Variants in MOBP observed in about 807,000 individuals in gnomAD.
MOBP encodes the protein myelin-associated oligodendrocyte basic protein.
MOBP carries 5 observed loss-of-function variants against 15.0 expected under a neutral mutation model. That is an observed-to-expected ratio of 0.33 (90% CI 0.17 to 0.70). MOBP has a LOEUF of 0.70. Among genes scored for constraint, MOBP ranks in the 30% least tolerant of loss-of-function variants. The pLI, the probability that MOBP is intolerant of heterozygous loss-of-function variation, is 0.67. For synonymous variants in MOBP, 88 were observed against 99.0 expected (o/e 0.89, Z 0.66); for missense variants, 188 against 257.8 (o/e 0.73, Z 1.85).
At position 39,468,936 on chromosome 3, in the gene MOBP, T is replaced by TGTGTGTGTATATATACATATATACATG. The variant is rs747899949; in HGVS notation, c.-89+1196_-89+1197insGTGTGTGTATATATACATATATACATG. Among the ~76,000 whole-genome samples the TGTGTGTGTATATATACATATATACATG allele has an allele frequency of 1.1e-4, 6 of 54,016 alleles. 1 individual carries two copies. The highest frequency in any genetic ancestry group is 8.9e-4 in the African/African-American group (4 of 4,490). The allele number at this position is 54,016 out of a possible 152,430, so 35.4% of individuals were successfully genotyped here. On this transcript the variant is annotated intron_variant, in intron 1 of 3. Transcript: ENST00000684792. ...GAGTGTGTATATATACATATATACA[T>TGTGTGTGTATATATACATATATACATG]TGTGTGTATATATACATATATACAT... is the stretch of plus-strand genomic sequence containing the variant.
chr3:39,498,540 C>T (rs1038943672), intron 2 of MOBP, among the ~76,000 whole-genome samples: 7 of 151,760 alleles, frequency 4.6e-5, no homozygotes, highest in African/African-American at 7.3e-5. Context: ...TAGTAGACAC[C>T]GGGTTTCACC....
rs2042870933 is a variant in MOBP, at chr3:39,495,773, GAA to G, written c.-4-6291_-4-6290del. Among the ~76,000 whole-genome samples the G allele has an allele frequency of 1.4e-5, 2 of 137,952 alleles. 1 individual carries two copies. The highest frequency in any genetic ancestry group is 4.7e-4 in the South Asian group (2 of 4,300). The allele number at this position is 137,952 out of a possible 152,430, so 90.5% of individuals were successfully genotyped here. On this transcript the variant is annotated intron_variant, in intron 2 of 3. Transcript: ENST00000684792. ...GTCAAAAAAAAAAAAAAAAAGAAAA[GAA>G]AGAGGAAAAAAAGAAATTATAAGTG...
At chr3:39,487,407 T>C (rs2042727972) in intron 2 of MOBP, among the ~76,000 whole-genome samples, 1 of 152,214 alleles carries the variant, frequency 6.6e-6, no homozygotes, top group African/African-American at 2.4e-5. Context: ...ATAGAACTGT[T>C]CCACTTGTCT....
downstream of MOBP, among the ~76,000 whole-genome samples, chr3:39,505,016 C>T (rs908449238): frequency 2.1e-4 from 32 of 152,344 alleles, no homozygotes; most frequent in African/African-American, 5.5e-4. Context: ...ACTGATTGTA[C>T]GATTTCCAGC....
chr3:39,507,885 A>G (rs965378890), downstream of MOBP, among the ~76,000 whole-genome samples: 3 of 152,106 alleles, frequency 2.0e-5, no homozygotes, highest in African/African-American at 4.8e-5. Context: ...ATCAGACTCC[A>G]CTTTCCTCGC....
At chr3:39,526,064 G>T (rs183852913), downstream of MOBP, 1 of 152,200 alleles carries the variant, frequency 6.6e-6, no homozygotes, top group East Asian at 1.9e-4. Context: ...TGAAACATAC[G>T]ACAGACCACT....
chr3:39,468,951 C>T (rs111215421), intron 1 of MOBP, among the ~76,000 whole-genome samples: 3 of 97,336 alleles, frequency 3.1e-5, no homozygotes, highest in East Asian at 2.7e-4. Context: ...TGTATATATA[C>T]ATATATACAT....
intron 1 of MOBP, among the ~76,000 whole-genome samples, chr3:39,474,738 AAG>A (rs2042521478): frequency 6.6e-6 from 1 of 152,234 alleles, no homozygotes; most frequent in Non-Finnish European, 1.5e-5. Context: ...TGCACATAAA[AAG>A]AGTGAGAATT....
chr3:39,476,304 G>GT (rs1360754372), intron 1 of MOBP, among the ~76,000 whole-genome samples: 1 of 150,624 alleles, frequency 6.6e-6, no homozygotes, highest in African/African-American at 2.5e-5. Flanking sequence ...ATGAGATTTG[G>GT]TGGGGATACA....
chr3:39,485,206 G>A (rs749853414), intron 2 of MOBP, among the ~76,000 whole-genome samples: 8 of 152,162 alleles, frequency 5.3e-5, no homozygotes, highest in Non-Finnish European at 7.3e-5. Context: ...TAGTTGTCAC[G>A]GAGACAAATG....
At chr3:39,522,415 G>A (rs540796060) in intron 3 of MOBP, among the ~76,000 whole-genome samples, 7 of 152,268 alleles carry the variant, frequency 4.6e-5, no homozygotes, top group African/African-American at 1.7e-4. Context: ...CAAGAACCAT[G>A]GCTTTACACC....
At chr3:39,470,200 T>C (rs1049234218) in intron 1 of MOBP, among the ~76,000 whole-genome samples, 1 of 152,318 alleles carries the variant, frequency 6.6e-6, no homozygotes, top group South Asian at 2.1e-4. Flanking sequence ...AAAAGTCTCC[T>C]GATCAAAAGT....
intron 2 of MOBP, among the ~76,000 whole-genome samples, chr3:39,483,627 T>A (rs749174443): frequency 2.6e-4 from 39 of 152,246 alleles, no homozygotes; most frequent in Admixed American, 3.9e-4. Flanking sequence ...TTTGGGAGAT[T>A]GGTTGTCTTC....
downstream of MOBP, chr3:39,529,070 C>T (rs1426444099): frequency 6.6e-6 from 1 of 152,132 alleles, no homozygotes; most frequent in Non-Finnish European, 1.5e-5. Flanking sequence ...CACTATGACT[C>T]ACTATAAGGG....
At chr3:39,477,494 A>G (rs1329534936) in intron 1 of MOBP, among the ~76,000 whole-genome samples, 4 of 152,022 alleles carry the variant, frequency 2.6e-5, no homozygotes, top group Non-Finnish European at 1.5e-5. Context: ...AGTACAGCAC[A>G]TACAATTATG....
At chr3:39,516,536 G>A (rs1275064955), downstream of MOBP, among the ~76,000 whole-genome samples, 1 of 152,102 alleles carries the variant, frequency 6.6e-6, no homozygotes, top group African/African-American at 2.4e-5. Context: ...GAGATGAGGT[G>A]GCCTGTTCAC....
At chr3:39,469,082 GTA>G (rs1167645401) in intron 1 of MOBP, among the ~76,000 whole-genome samples, 2 of 36,836 alleles carry the variant, frequency 5.4e-5, no homozygotes, top group Admixed American at 2.3e-4. Flanking sequence ...ATGTGTGTGT[GTA>G]TATACATATA....
At chr3:39,496,565 C>G (rs1395032018) in intron 2 of MOBP, among the ~76,000 whole-genome samples, 1 of 151,910 alleles carries the variant, frequency 6.6e-6, no homozygotes, top group Non-Finnish European at 1.5e-5. Context: ...GTGATGTTGG[C>G]TCACTGCAAA....
At chr3:39,472,460 A>G (rs779614504) in intron 1 of MOBP, among the ~76,000 whole-genome samples, 1 of 152,226 alleles carries the variant, frequency 6.6e-6, no homozygotes, top group Non-Finnish European at 1.5e-5. Context: ...GAGGAACTCA[A>G]CTACTGGGAA....
Sources: allele counts gnomAD v4.1 joint callset (sites outside exome capture counted in the v4.1 genomes callset), GRCh38; gene constraint gnomAD v4.1.1; transcripts MANE v1.5; gene names NCBI Gene and HGNC (gene_info 2026-07-23, HGNC 2026-07-21).